DAAM2: variants seen among roughly 807,000 people sequenced by gnomAD.
The protein encoded by DAAM2 is dishevelled associated activator of morphogenesis 2.
A neutral mutation model predicts 120.7 loss-of-function variants in DAAM2; 39 were observed. The ratio of observed to expected loss-of-function variants is 0.32; its 90% confidence interval spans 0.25 to 0.42. DAAM2 has a LOEUF of 0.42. Among genes scored for constraint, DAAM2 ranks in the 10% least tolerant of loss-of-function variants. The pLI is 1.00. For missense variants in DAAM2, 1,283 were observed against 1,401.7 expected (o/e 0.92, Z 1.35); for synonymous variants, 488 against 524.9 (o/e 0.93, Z 0.96).
intron 14 of DAAM2, chr6:39,883,600 G>T: frequency 4.8e-6 from 1 of 209,072 alleles, no homozygotes; most frequent in South Asian, 1.2e-4. Flanking sequence ...CCCTTTAGGG[G>T]GAGTGGGCCT....
At chr6:39,832,751 G>A (rs1246196322) in intron 1 of DAAM2, among the ~76,000 whole-genome samples, 2 of 152,152 alleles carry the variant, frequency 1.3e-5, no homozygotes, top group Admixed American at 1.3e-4. Context: ...GGGGCTGCAG[G>A]GTTTCTGCAG....
intron 1 of DAAM2, among the ~76,000 whole-genome samples, chr6:39,823,469 TG>T (rs1438992077): frequency 6.6e-6 from 1 of 152,166 alleles, no homozygotes; most frequent in African/African-American, 2.4e-5. Context: ...GAGTTCAGAT[TG>T]GTGTGCTCTG....
chr6:39,901,481 CAGTGCCAGGCCTGGGACTGAGGGGA>C lies in DAAM2; in HGVS notation c.2982+10_2982+34del, dbSNP rs373176663. On this transcript the variant is annotated intron_variant, in intron 24 of 24. Coordinates refer to ENST00000274867, the MANE Select transcript of DAAM2 (RefSeq NM_001201427.2). This position sits in a 1 kb window ranked among gnomAD's most constrained non-coding sequence, Gnocchi z 4.5. ...CGCGCATGGAAGCCATGGTGAGGGGCAGTGCCAGGCCTGGGACTGAGGGGAGACGGGTGCTACTTGGGGAGAACAC... is the reference window on the plus strand; with the variant it reads ...CGCGCATGGAAGCCATGGTGAGGGGCGACGGGTGCTACTTGGGGAGAACAC... The C allele has an allele frequency of 3.2e-4, 510 of 1,601,310 alleles. 3 individuals are homozygous for C. The African/African-American group carries it at 6.1e-3, about 19-fold the overall frequency.
At chr6:39,828,723 C>T (rs143327544) in intron 1 of DAAM2, among the ~76,000 whole-genome samples, 2,082 of 152,018 alleles carry the variant, frequency 0.014, 37 homozygotes, top group East Asian at 0.039. Context: ...CCACCATGCC[C>T]GGCTAATTTT....
Position 39,878,383 on chromosome 6 carries a change from C to A in DAAM2, c.1361-21C>A. 1.2e-6 allele frequency: 2 copies of A among 1,609,760 alleles called. No individual in the cohort carries two copies. Among genetic ancestry groups the A allele is most frequent in the Non-Finnish European group, 1.7e-6 (2 of 1,177,498 alleles). On this transcript the variant is annotated intron_variant, in intron 12 of 24. Transcript: ENST00000274867. The surrounding 1 kb of genome is among the most constrained non-coding windows in gnomAD (Gnocchi z 5.0). ...CACATTCTCTCCTTCTGTTTCCTCT[C>A]CCGTCCCACCCCCATTCCAGAACAC...
chr6:39,808,848 C>T (rs566048065), intron 1 of DAAM2, among the ~76,000 whole-genome samples: 1 of 152,362 alleles, frequency 6.6e-6, no homozygotes, highest in Admixed American at 6.5e-5. Context: ...TGGCTTTCCT[C>T]TCTGCATCCT....
intron 1 of DAAM2, among the ~76,000 whole-genome samples, chr6:39,834,249 G>C (rs776669892): frequency 5.9e-5 from 9 of 152,306 alleles, no homozygotes; most frequent in Non-Finnish European, 1.3e-4. Context: ...TCTCATTTCA[G>C]ATTTAGAGAG....
At position 39,807,079 on chromosome 6, in the gene DAAM2, A is replaced by G. The variant is rs552729137; in HGVS notation, c.-57+14614A>G. 5.3e-5 allele frequency among the ~76,000 whole-genome samples: 8 copies of G among 152,260 alleles called. 1 individual carries two copies. In the South Asian group the frequency reaches 1.7e-3, roughly 32 times the overall value. On this transcript the variant is annotated intron_variant, in intron 1 of 24. Coordinates refer to ENST00000274867, the MANE Select transcript of DAAM2 (RefSeq NM_001201427.2). ...AGATATGTTCAGGAATATTCACTAC[A>G]GCATGGTTTTTTAGAGCTAAAAAGC...
At chr6:39,861,256 G>A in intron 3 of DAAM2, 1 of 565,804 alleles carries the variant, frequency 1.8e-6, no homozygotes, top group South Asian at 1.7e-5. Context: ...TGCATCCCAG[G>A]ACTGGGGCTT....
At chr6:39,888,414 C>T (rs989755343) in intron 16 of DAAM2, 9 of 290,538 alleles carry the variant, frequency 3.1e-5, no homozygotes, top group Non-Finnish European at 4.6e-5. Flanking sequence ...ATCTCTTTTA[C>T]TCCCAAATGC....
At position 39,901,272 on chromosome 6, in the gene DAAM2, C is replaced by G. The variant is rs1257143199; in HGVS notation, c.2812-30C>G. On this transcript the variant is annotated intron_variant, in intron 23 of 24. Coordinates refer to ENST00000274867, the MANE Select transcript of DAAM2 (RefSeq NM_001201427.2). This position sits in a 1 kb window ranked among gnomAD's most constrained non-coding sequence, Gnocchi z 4.5. ...TGAGCCCAGCATGCTCCAGGGCACTCTCCACCAATCCTGTTCTGTCCCTTG... is the reference window on the plus strand; with the variant it reads ...TGAGCCCAGCATGCTCCAGGGCACTGTCCACCAATCCTGTTCTGTCCCTTG... The G allele has an allele frequency of 1.3e-6, 2 of 1,599,334 alleles. No individual in the cohort carries two copies.
At chr6:39,801,923 T>TA (rs2114008437) in intron 1 of DAAM2, among the ~76,000 whole-genome samples, 1 of 152,362 alleles carries the variant, frequency 6.6e-6, no homozygotes, top group African/African-American at 2.4e-5. Context: ...AGTGGGAAGA[T>TA]ACGTCAATAT....
rs376080360 is a variant in DAAM2, at chr6:39,900,204, A to C, written c.2807A>C (p.Asp936Ala). Residue 936 changes from aspartate (D) to alanine (A), a missense_variant, in exon 23 of 25, where the codon GAC becomes GCC. By Grantham distance (126) the Asp-to-Ala change is moderately radical. Coordinates refer to ENST00000274867, the MANE Select transcript of DAAM2 (RefSeq NM_001201427.2). The part of the protein sequence containing the change: ...ELEDQLNEAR[D>A]KFAKALMHFG... The stretch of plus-strand genomic sequence containing the variant: ...GAGGACCAGCTAAATGAGGCCAGGG[A>C]CAAGGTAAGGGTGCCCCAACCCCCA... 41 of 1,609,890 alleles carry C rather than the reference A, an allele frequency of 2.5e-5. No individual in the cohort carries two copies. The highest frequency in any genetic ancestry group is 1.7e-4 in the Middle Eastern group (1 of 6,056).
At chr6:39,838,584 G>A (rs1763197820) in intron 1 of DAAM2, among the ~76,000 whole-genome samples, 1 of 152,198 alleles carries the variant, frequency 6.6e-6, no homozygotes, top group South Asian at 2.1e-4. Flanking sequence ...ACAACTGTCA[G>A]AGCCCAGAAG....
chr6:39,843,484 G>A (rs940531907), intron 1 of DAAM2, among the ~76,000 whole-genome samples: 4 of 152,142 alleles, frequency 2.6e-5, no homozygotes, highest in Non-Finnish European at 5.9e-5. Flanking sequence ...ACAAGGAGTG[G>A]CCAGCCAGGC....
At chr6:39,858,945 G>A (rs547262183) in intron 2 of DAAM2, among the ~76,000 whole-genome samples, 1 of 152,294 alleles carries the variant, frequency 6.6e-6, no homozygotes, top group South Asian at 2.1e-4. Context: ...CAGGAGGGTA[G>A]TTGCTAAAGA....
At chr6:39,852,439 AGAGCTGGGTGAC>A (rs1436308401) in intron 1 of DAAM2, among the ~76,000 whole-genome samples, 7 of 152,208 alleles carry the variant, frequency 4.6e-5, no homozygotes, top group Non-Finnish European at 8.8e-5. Flanking sequence ...AGAGGAAGGC[AGAGCTGGGTGAC>A]TTCATAAATC....
chr6:39,803,017 ATCAT>A (rs1415899277), intron 1 of DAAM2, among the ~76,000 whole-genome samples: 1 of 152,022 alleles, frequency 6.6e-6, no homozygotes, highest in Non-Finnish European at 1.5e-5. Flanking sequence ...TGTTGTGTAG[ATCAT>A]TCATTCTCAT....
At chr6:39,845,046 C>T (rs1763509114) in intron 1 of DAAM2, among the ~76,000 whole-genome samples, 1 of 144,376 alleles carries the variant, frequency 6.9e-6, no homozygotes, top group African/African-American at 2.6e-5. Context: ...CACACATGCA[C>T]ATATACATCA....
Sources: allele counts gnomAD v4.1 joint callset (sites outside exome capture counted in the v4.1 genomes callset), GRCh38; gene constraint gnomAD v4.1.1; non-coding constraint Gnocchi (gnomAD v3.1); transcripts MANE v1.5; gene names NCBI Gene and HGNC (gene_info 2026-07-23, HGNC 2026-07-21).